PLCB1: variants seen among roughly 807,000 people sequenced by gnomAD.
PLCB1 encodes phospholipase C beta 1, also known as 1-phosphatidylinositol 4,5-bisphosphate phosphodiesterase beta-1.
A neutral mutation model predicts 161.8 loss-of-function variants in PLCB1; 46 were observed. The observed-to-expected ratio is 0.28, with a 90% confidence interval of 0.22 to 0.36. The LOEUF (loss-of-function observed/expected upper bound fraction) is 0.36, where lower values mean the gene tolerates loss of function less well. PLCB1 is among the 10% of genes least tolerant of loss of function. PLCB1 has a pLI of 1.00. For synonymous variants in PLCB1, 517 were observed against 503.7 expected (o/e 1.03, Z -0.35); for missense variants, 1,016 against 1,472.5 (o/e 0.69, Z 5.07).
At chr20:8,769,711 A>G (rs1272392704) in intron 26 of PLCB1, among the ~76,000 whole-genome samples, 2 of 152,214 alleles carry the variant, frequency 1.3e-5, no homozygotes, top group Non-Finnish European at 2.9e-5. Context: ...TCATTCTTTA[A>G]CTGAAAACTT....
intron 2 of PLCB1, among the ~76,000 whole-genome samples, chr20:8,321,323 G>C (rs1284734872): frequency 6.6e-6 from 1 of 152,122 alleles, no homozygotes; most frequent in South Asian, 2.1e-4. Flanking sequence ...CCCTTTTGCT[G>C]TTTCCTAATT....
chr20:8,266,680 C>T (rs1251704523), intron 2 of PLCB1, among the ~76,000 whole-genome samples: 5 of 152,178 alleles, frequency 3.3e-5, no homozygotes, highest in African/African-American at 1.2e-4. Flanking sequence ...ACCTCCCCAA[C>T]TGGACTTTTA....
At chr20:8,617,546 G>A (rs573961223) in intron 3 of PLCB1, among the ~76,000 whole-genome samples, 8 of 152,164 alleles carry the variant, frequency 5.3e-5, no homozygotes, top group African/African-American at 1.7e-4. Context: ...AACATTCGGG[G>A]ATTTGGAGGC....
At chr20:8,456,025 T>G (rs1165976270) in intron 3 of PLCB1, among the ~76,000 whole-genome samples, 2 of 152,242 alleles carry the variant, frequency 1.3e-5, no homozygotes, top group African/African-American at 4.8e-5. Flanking sequence ...GTTTAATCAA[T>G]GACTGATCTT....
intron 2 of PLCB1, among the ~76,000 whole-genome samples, chr20:8,352,856 T>C (rs979588511): frequency 2.6e-5 from 4 of 152,146 alleles, no homozygotes; most frequent in African/African-American, 7.2e-5. Flanking sequence ...GAATGATCCA[T>C]GTAGACATAG....
intron 2 of PLCB1, among the ~76,000 whole-genome samples, chr20:8,241,932 G>T (rs536378668): frequency 6.6e-4 from 100 of 152,062 alleles, no homozygotes; most frequent in African/African-American, 2.2e-3. Flanking sequence ...ATGAAGACAG[G>T]CATGGTACAC....
At chr20:8,314,541 A>T (rs574466796) in intron 2 of PLCB1, among the ~76,000 whole-genome samples, 1 of 152,226 alleles carries the variant, frequency 6.6e-6, no homozygotes, top group Non-Finnish European at 1.5e-5. Flanking sequence ...GGCAAGCTAT[A>T]TAACCTTTGT....
At chr20:8,298,619 T>G (rs536461804) in intron 2 of PLCB1, among the ~76,000 whole-genome samples, 1 of 151,510 alleles carries the variant, frequency 6.6e-6, no homozygotes, top group African/African-American at 2.4e-5. Flanking sequence ...CAACATGTAA[T>G]GAGTCAGTGT....
chr20:8,645,315 A>T (rs1418026425), intron 4 of PLCB1, among the ~76,000 whole-genome samples: 1 of 90,814 alleles, frequency 1.1e-5, no homozygotes, highest in African/African-American at 7.2e-5. Context: ...AAAAAAAAAT[A>T]AAAAAAATAA....
At chr20:8,250,165 A>G (rs1331688285) in intron 2 of PLCB1, among the ~76,000 whole-genome samples, 2 of 151,982 alleles carry the variant, frequency 1.3e-5, no homozygotes, top group South Asian at 2.1e-4. Context: ...TAAACCTATC[A>G]TTTCTATATC....
intron 26 of PLCB1, 144 bp from the exon 27 acceptor site, chr20:8,774,395 G>A (rs1413787469): frequency 4.4e-6 from 3 of 678,254 alleles, no homozygotes; most frequent in East Asian, 2.5e-5. Context: ...TTGTCCTTGG[G>A]GTCTCACCCT....
chr20:8,492,321 A>T (rs1982981412), intron 3 of PLCB1, among the ~76,000 whole-genome samples: 1 of 152,088 alleles, frequency 6.6e-6, no homozygotes, highest in Non-Finnish European at 1.5e-5. Context: ...TCTGTGTGTG[A>T]GTCACTCACT....
chr20:8,316,076 G>A (rs1984635716), intron 2 of PLCB1, among the ~76,000 whole-genome samples: 1 of 152,088 alleles, frequency 6.6e-6, no homozygotes, highest in African/African-American at 2.4e-5. Flanking sequence ...CCTTGAATAA[G>A]CACTTGTATG....
At chr20:8,312,657 C>G (rs1257907891) in intron 2 of PLCB1, among the ~76,000 whole-genome samples, 1 of 152,118 alleles carries the variant, frequency 6.6e-6, no homozygotes, top group African/African-American at 2.4e-5. Context: ...CAAGGCAAAG[C>G]ATGTTTATTT....
chr20:8,228,686 G>T lies in PLCB1; in HGVS notation c.177+78315G>T, dbSNP rs995338134. Among the ~76,000 whole-genome samples, 1,355 of 150,678 alleles carry T rather than the reference G, an allele frequency of 9.0e-3. 24 individuals carry two copies. The highest frequency in any genetic ancestry group is 0.032 in the African/African-American group (1,300 of 41,018). On this transcript the variant is annotated intron_variant, in intron 2 of 31. Coordinates refer to ENST00000338037, the MANE Select transcript of PLCB1 (RefSeq NM_015192.4). The stretch of plus-strand genomic sequence containing the variant: ...CACCACGCCCCACTAATTTTTTTTT[G>T]TATTTATTTATTTATCTATTTGTAG...
chr20:8,692,541 C>T (rs1387564393), intron 10 of PLCB1, among the ~76,000 whole-genome samples: 1 of 152,098 alleles, frequency 6.6e-6, no homozygotes, highest in Non-Finnish European at 1.5e-5. Context: ...AGCCAGGGTT[C>T]TTGTGGCTGA....
chr20:8,542,296 C>T (rs1261797771), intron 3 of PLCB1, among the ~76,000 whole-genome samples: 1 of 152,084 alleles, frequency 6.6e-6, no homozygotes, highest in Non-Finnish European at 1.5e-5. Context: ...ACTTCCTGAA[C>T]ACTAATAAAG....
intron 2 of PLCB1, among the ~76,000 whole-genome samples, chr20:8,360,191 C>G (rs1986491080): frequency 6.6e-6 from 1 of 152,222 alleles, no homozygotes; most frequent in African/African-American, 2.4e-5. Flanking sequence ...TATCAGCTCT[C>G]TGGGGAGATC....
At chr20:8,728,919 A>T (rs1980083971) in intron 17 of PLCB1, 131 bp from the exon 18 acceptor site, 1 of 539,726 alleles carries the variant, frequency 1.9e-6, no homozygotes, top group Admixed American at 3.9e-5. Flanking sequence ...TAAATATCCC[A>T]AAGTAGCCCA....
Sources: allele counts gnomAD v4.1 joint callset (sites outside exome capture counted in the v4.1 genomes callset), GRCh38; gene constraint gnomAD v4.1.1; transcripts MANE v1.5; gene names NCBI Gene and HGNC (gene_info 2026-07-23, HGNC 2026-07-21).